SLC44A5: variants seen among roughly 807,000 people sequenced by gnomAD.
The protein encoded by SLC44A5 is choline transporter-like protein 5.
In SLC44A5, 57 loss-of-function variants were observed where a neutral mutation model predicts 101.8. The ratio of observed to expected loss-of-function variants is 0.56; its 90% CI spans 0.45 to 0.70. SLC44A5 has a LOEUF of 0.70. Ranked by LOEUF, SLC44A5 falls within the 30% of genes least tolerant of loss-of-function variation. SLC44A5 has a pLI of 0.00. For missense variants in SLC44A5, 737 were observed against 853.1 expected, an observed-to-expected ratio of 0.86 and a Z score of 1.70; for synonymous variants, 281 against 290.9, an observed-to-expected ratio of 0.97 and a Z score of 0.35.
chr1:75,599,796 T>A (rs1674865482), intron 1 of SLC44A5, among the ~76,000 whole-genome samples: 1 of 152,098 alleles, frequency 6.6e-6, no homozygotes, highest in Non-Finnish European at 1.5e-5. Flanking sequence ...TTTAGTGTGG[T>A]CGGATCATTA....
At chr1:75,658,755 GAAGAA>G in the SLC44A5 span, among the ~76,000 whole-genome samples, 1 of 151,804 alleles carries the variant, frequency 6.6e-6, no homozygotes, top group Admixed American at 6.6e-5. Flanking sequence ...AAAATTAGTA[GAAGAA>G]AAGAAATAAT....
At chr1:75,672,722 G>A in the SLC44A5 span, among the ~76,000 whole-genome samples, 1 of 152,086 alleles carries the variant, frequency 6.6e-6, no homozygotes, top group South Asian at 2.1e-4. Context: ...GAAGAGAAGG[G>A]ACAGTAAAGA....
chr1:75,345,799 C>T (rs990989599), intron 3 of SLC44A5, among the ~76,000 whole-genome samples: 1 of 152,076 alleles, frequency 6.6e-6, no homozygotes, highest in African/African-American at 2.4e-5. Context: ...CTTACACCAC[C>T]CCCAAAGTCT....
intron 3 of SLC44A5, among the ~76,000 whole-genome samples, chr1:75,355,929 C>T (rs1402096430): frequency 6.6e-6 from 1 of 151,888 alleles, no homozygotes; most frequent in African/African-American, 2.4e-5. Flanking sequence ...TATTCTGGGC[C>T]TCTTGAAGTC....
chr1:75,659,418 A>G, the SLC44A5 span, among the ~76,000 whole-genome samples: 7 of 47,652 alleles, frequency 1.5e-4, no homozygotes, highest in African/African-American at 6.0e-4. Flanking sequence ...AGAAAGAAAG[A>G]GGGAGGGTGG....
At chr1:75,630,326 A>T in the SLC44A5 span, among the ~76,000 whole-genome samples, 1 of 152,048 alleles carries the variant, frequency 6.6e-6, no homozygotes. Flanking sequence ...GGTTACAATC[A>T]TTTCCATAGG....
intron 6 of SLC44A5, among the ~76,000 whole-genome samples, chr1:75,272,990 T>A (rs12086024): frequency 0.02 from 3,085 of 152,286 alleles, 108 homozygotes; most frequent in African/African-American, 0.07. Context: ...ATTTTCACAA[T>A]ATTAATTCTA....
chr1:75,409,041 G>C (rs1663098727), intron 2 of SLC44A5, among the ~76,000 whole-genome samples: 1 of 152,124 alleles, frequency 6.6e-6, no homozygotes, highest in Non-Finnish European at 1.5e-5. Context: ...CACATCCTTT[G>C]CAGCAACATG....
At chr1:75,375,789 C>G (rs1660542444) in intron 3 of SLC44A5, among the ~76,000 whole-genome samples, 1 of 152,196 alleles carries the variant, frequency 6.6e-6, no homozygotes, top group South Asian at 2.1e-4. Context: ...TTTTCCCGAA[C>G]AAGCAATCAC....
At chr1:75,618,903 C>T in the SLC44A5 span, among the ~76,000 whole-genome samples, 3 of 151,890 alleles carry the variant, frequency 2.0e-5, no homozygotes, top group Non-Finnish European at 4.4e-5. Context: ...AACCCCATCT[C>T]CACAAAAAAT....
At chr1:75,265,608 T>C (rs888043231) in intron 6 of SLC44A5, among the ~76,000 whole-genome samples, 5 of 152,198 alleles carry the variant, frequency 3.3e-5, no homozygotes, top group African/African-American at 1.2e-4. Flanking sequence ...ACTTAGGTGA[T>C]GAATACACTA....
chr1:75,560,068 A>G (rs967442731), intron 1 of SLC44A5, among the ~76,000 whole-genome samples: 2 of 152,126 alleles, frequency 1.3e-5, no homozygotes, highest in African/African-American at 4.8e-5. Flanking sequence ...AGAAATTGGA[A>G]CCCTCATACA....
chr1:75,708,413 CA>C, the SLC44A5 span, among the ~76,000 whole-genome samples: 441 of 39,020 alleles, frequency 0.011, no homozygotes, highest in African/African-American at 0.038. Flanking sequence ...GACTCCGTCT[CA>C]AAAAAAAAAA....
chr1:75,482,878 A>G (rs1217446087), intron 2 of SLC44A5, among the ~76,000 whole-genome samples: 1 of 152,246 alleles, frequency 6.6e-6, no homozygotes, highest in East Asian at 1.9e-4. Context: ...AGGAAAATAT[A>G]AAACACTAAG....
At chr1:75,355,353 T>C (rs903622939) in intron 3 of SLC44A5, among the ~76,000 whole-genome samples, 5 of 152,222 alleles carry the variant, frequency 3.3e-5, no homozygotes, top group African/African-American at 1.2e-4. Context: ...TGTTTTTGAC[T>C]CAATATGTAA....
chr1:75,226,088 C>T (rs1247626961), intron 13 of SLC44A5, among the ~76,000 whole-genome samples: 1 of 152,022 alleles, frequency 6.6e-6, no homozygotes, highest in Non-Finnish European at 1.5e-5. Context: ...ATTCCCTGAT[C>T]CTGATGAGGA....
the SLC44A5 span, among the ~76,000 whole-genome samples, chr1:75,690,725 T>G: frequency 6.6e-6 from 1 of 152,170 alleles, no homozygotes. Flanking sequence ...ACCAAGGCCA[T>G]GACACTTCCA....
chr1:75,579,742 A>G (rs932002043), intron 1 of SLC44A5, among the ~76,000 whole-genome samples: 11 of 152,142 alleles, frequency 7.2e-5, no homozygotes, highest in African/African-American at 2.7e-4. Context: ...AAGACAGAAT[A>G]TATAGAAGAA....
the SLC44A5 span, among the ~76,000 whole-genome samples, chr1:75,631,689 A>G: frequency 6.6e-6 from 1 of 151,528 alleles, no homozygotes; most frequent in African/African-American, 2.4e-5. Context: ...GGCACACTCC[A>G]CTGCGCCCAG....
Sources: allele counts gnomAD v4.1 joint callset (sites outside exome capture counted in the v4.1 genomes callset), GRCh38; gene constraint gnomAD v4.1.1; transcripts MANE v1.5; gene names NCBI Gene and HGNC (gene_info 2026-07-23, HGNC 2026-07-21).